The following LHX4 variants were observed in gnomAD, a reference collection of about 807,000 sequenced individuals.
LHX4 encodes LIM homeobox 4.
LHX4 carries 16 observed loss-of-function variants against 39.2 expected under a neutral mutation model. The observed-to-expected ratio is 0.41, with a 90% CI of 0.28 to 0.62. The LOEUF (loss-of-function observed/expected upper bound fraction) is 0.62, where lower values mean the gene tolerates loss of function less well. Ranked by LOEUF, LHX4 falls within the 20% of genes least tolerant of loss-of-function variation. The probability of loss-of-function intolerance (pLI) is 0.33; values close to 1 mark genes in which losing one functional copy is unlikely to be tolerated. For missense variants in LHX4, 439 were observed against 511.9 expected, an observed-to-expected ratio of 0.86 and a Z score of 1.37; for synonymous variants, 206 against 198.1, an observed-to-expected ratio of 1.04 and a Z score of -0.33.
intron 2 of LHX4, among the ~76,000 whole-genome samples, chr1:180,261,697 G>C (rs1372036948): frequency 3.9e-5 from 6 of 152,128 alleles, no homozygotes; most frequent in African/African-American, 1.4e-4. Context: ...ACAACTAACT[G>C]CCTTCACTGA....
chr1:180,231,377 G>A (rs1295212422), intron 1 of LHX4, among the ~76,000 whole-genome samples: 3 of 151,876 alleles, frequency 2.0e-5, no homozygotes, highest in African/African-American at 7.3e-5. Context: ...TTCTTCCCGC[G>A]CCCGAAATTA....
At chr1:180,250,828 C>G (rs1277142360) in intron 2 of LHX4, among the ~76,000 whole-genome samples, 1 of 152,142 alleles carries the variant, frequency 6.6e-6, no homozygotes, top group South Asian at 2.1e-4. Context: ...AAGTAATGAC[C>G]AGGAAAGAGG....
In LHX4 at chr1:180,234,645, C is replaced by A. The variant is rs1005493587; in HGVS notation, c.76+4040C>A. Reference sequence around the variant, plus strand: ...CGCATGCGGAATTAACTGTTAAAGCCGGACACGGAGCACGCAGGTGCAGCA... The same window carrying A: ...CGCATGCGGAATTAACTGTTAAAGCAGGACACGGAGCACGCAGGTGCAGCA... On this transcript the variant is annotated intron_variant, in intron 1 of 5. Transcript: ENST00000263726. This position sits in a 1 kb window ranked among gnomAD's most constrained non-coding sequence, Gnocchi z 4.8. 2.6e-5 allele frequency among the ~76,000 whole-genome samples: 4 copies of A among 152,232 alleles called. No homozygotes were observed. The highest frequency in any genetic ancestry group is 9.6e-5 in the African/African-American group (4 of 41,458).
chr1:180,229,959 C>CGGGG (rs1553278089), upstream of LHX4, among the ~76,000 whole-genome samples: 490 of 22,754 alleles, frequency 0.022, 9 homozygotes, highest in Admixed American at 0.033. Flanking sequence ...GAGGCGGAGG[C>CGGGG]GGGGAGGGGG....
chr1:180,269,359 C>T (rs566991230), intron 3 of LHX4, among the ~76,000 whole-genome samples: 4 of 152,260 alleles, frequency 2.6e-5, no homozygotes, highest in South Asian at 4.2e-4. Context: ...TTTTTGGGTA[C>T]ATTTTTCAGC....
chr1:180,273,754 G>C, intron 5 of LHX4: 2 of 231,510 alleles, frequency 8.6e-6, no homozygotes, highest in Non-Finnish European at 1.7e-5. Context: ...ATATGGGCCT[G>C]CTTGCTTCCC....
Position 180,276,101 on chromosome 1 carries a change from T to G in LHX4, c.*1522T>G, listed in dbSNP as rs1358197415. 6.6e-6 allele frequency: 1 copy of G among 152,242 alleles called. No homozygotes were observed. Among genetic ancestry groups the G allele is most frequent in the Non-Finnish European group, 1.5e-5 (1 of 68,052 alleles). 9.4% of individuals were successfully genotyped at this position (152,242 alleles called of 1,614,324 possible). ...GTCCCTCTGGGAAGCTGTGTTTGCT[T>G]CTTCTGGCCTCCCATTCTCTTAAAT... On this transcript the variant is annotated 3_prime_UTR_variant, in exon 6 of 6. Coordinates refer to ENST00000263726, the MANE Select transcript of LHX4 (RefSeq NM_033343.4).
intron 2 of LHX4, among the ~76,000 whole-genome samples, chr1:180,254,328 C>T (rs1478912683): frequency 6.6e-6 from 1 of 152,210 alleles, no homozygotes; most frequent in Non-Finnish European, 1.5e-5. Flanking sequence ...GCCGCTGTGT[C>T]GCAGGGGAGC....
At chr1:180,268,047 T>A (rs1194047881) in intron 3 of LHX4, among the ~76,000 whole-genome samples, 1 of 152,216 alleles carries the variant, frequency 6.6e-6, no homozygotes, top group Non-Finnish European at 1.5e-5. Flanking sequence ...CTGGGGCCTC[T>A]GCAAACCCAT....
In LHX4 at chr1:180,250,348, T is replaced by TGTGTGTGTGC. The variant is rs561965552; in HGVS notation, c.248+1893_248+1894insTGTGTGTGCG. On this transcript the variant is annotated intron_variant, in intron 2 of 5. Coordinates refer to ENST00000263726, the MANE Select transcript of LHX4 (RefSeq NM_033343.4). ...TTGTGTGTGTGTGTGTGTGTGTGTG[T>TGTGTGTGTGC]GCGCGCGTGGGTTGACATATGTACC... Among the ~76,000 whole-genome samples the TGTGTGTGTGC allele has an allele frequency of 3.5e-3, 223 of 63,404 alleles. 1 individual carries two copies. Among genetic ancestry groups the TGTGTGTGTGC allele is most frequent in the African/African-American group, 0.012 (163 of 13,266 alleles). The allele number at this position is 63,404 out of a possible 152,430, so 41.6% of individuals were successfully genotyped here. A position where few individuals can be genotyped will look rare whatever the true frequency, so the allele number is the denominator to read the frequency against.
chr1:180,259,833 T>A (rs822723), intron 2 of LHX4, among the ~76,000 whole-genome samples: 2 of 151,318 alleles, frequency 1.3e-5, no homozygotes, highest in African/African-American at 4.9e-5. Context: ...CCCTGGGTTG[T>A]GTGAGTCAGT....
rs1648390412 is a variant in LHX4 at position 180,267,836 on chromosome 1, A to G, written c.451+1242A>G. 3.9e-5 allele frequency among the ~76,000 whole-genome samples: 6 copies of G among 152,190 alleles called. No individual in the cohort carries two copies. In the South Asian group the frequency reaches 1.2e-3, roughly 31 times the overall value. ...TTTTTGTTCATTGAACACAGTATAAAATAAGGGGATTGTGGTGGTGAGGAA... is the reference window on the plus strand; with the variant it reads ...TTTTTGTTCATTGAACACAGTATAAGATAAGGGGATTGTGGTGGTGAGGAA... On this transcript the variant is annotated intron_variant, in intron 3 of 5. Coordinates refer to ENST00000263726, the MANE Select transcript of LHX4 (RefSeq NM_033343.4).
chr1:180,251,570 G>T (rs565880764), intron 2 of LHX4, among the ~76,000 whole-genome samples: 14 of 152,338 alleles, frequency 9.2e-5, no homozygotes, highest in South Asian at 6.2e-4. Flanking sequence ...TAAGCCCCTG[G>T]CTCTGCGCTT....
upstream of LHX4, among the ~76,000 whole-genome samples, chr1:180,229,681 G>T (rs1195695893): frequency 6.6e-6 from 1 of 151,928 alleles, no homozygotes; most frequent in Non-Finnish European, 1.5e-5. Flanking sequence ...GCGGAGCGAA[G>T]CCGGGGACCG....
chr1:180,252,220 C>A (rs1647656486), intron 2 of LHX4, among the ~76,000 whole-genome samples: 1 of 152,202 alleles, frequency 6.6e-6, no homozygotes, highest in Non-Finnish European at 1.5e-5. Flanking sequence ...GGCACACACA[C>A]AGTGGAGGTG....
intron 2 of LHX4, among the ~76,000 whole-genome samples, chr1:180,260,725 T>G (rs1345031108): frequency 1.3e-5 from 2 of 151,772 alleles, no homozygotes; most frequent in Admixed American, 6.5e-5. Flanking sequence ...ACTGCAGGGC[T>G]GGGAGCCTCA....
At chr1:180,265,305 T>TTA (rs765587537) in intron 2 of LHX4, among the ~76,000 whole-genome samples, 7 of 152,206 alleles carry the variant, frequency 4.6e-5, no homozygotes, top group Non-Finnish European at 7.3e-5. Context: ...GATTGCTGTT[T>TTA]TAAACTCTGC....
intron 1 of LHX4, among the ~76,000 whole-genome samples, chr1:180,239,167 T>C (rs927116909): frequency 2.6e-5 from 4 of 152,254 alleles, no homozygotes; most frequent in Non-Finnish European, 5.9e-5. Context: ...TGCCACAGCT[T>C]GGTATATCCT....
At chr1:180,272,573 A>G (rs1272079898) in intron 5 of LHX4, 1 of 152,802 alleles carries the variant, frequency 6.5e-6, no homozygotes, top group African/African-American at 2.4e-5. Flanking sequence ...TGCAGCATGC[A>G]CTATATTCAA....
Sources: allele counts gnomAD v4.1 joint callset (sites outside exome capture counted in the v4.1 genomes callset), GRCh38; gene constraint gnomAD v4.1.1; non-coding constraint Gnocchi (gnomAD v3.1); transcripts MANE v1.5; gene names NCBI Gene and HGNC (gene_info 2026-07-23, HGNC 2026-07-21).